Variants in PDCD10 observed in about 807,000 individuals in gnomAD.
The protein encoded by PDCD10 is programmed cell death 10, also known as programmed cell death protein 10.
Under a neutral mutation model 29.2 loss-of-function variants are expected in PDCD10, and 4 were observed. That is an observed-to-expected ratio of 0.14 (90% CI 0.07 to 0.31). PDCD10 has a LOEUF of 0.31. Among genes scored for constraint, PDCD10 ranks in the 10% least tolerant of loss-of-function variants. The probability of loss-of-function intolerance (pLI) is 1.00; values close to 1 mark genes in which losing one functional copy is unlikely to be tolerated. For synonymous variants in PDCD10, 70 were observed against 82.2 expected (o/e 0.85, Z 0.80); for missense variants, 183 against 257.9 (o/e 0.71, Z 1.99).
rs1267566409 is a variant in PDCD10, at chr3:167,734,199, G to A, written c.-117+15C>T. On this transcript the variant is annotated intron_variant, in intron 2 of 8. Transcript: ENST00000392750. ...ATGAAAGCGCTCTGAAAGCAGTAAAGGAGTAAAAACATACCTTAGGTATGA... is the reference window on the plus strand; with the variant it reads ...ATGAAAGCGCTCTGAAAGCAGTAAAAGAGTAAAAACATACCTTAGGTATGA... 6.6e-6 allele frequency: 1 copy of A among 152,196 alleles called. No individual in the cohort carries two copies. Among genetic ancestry groups the A allele is most frequent in the Non-Finnish European group, 1.5e-5 (1 of 68,096 alleles). 9.4% of individuals were successfully genotyped at this position (152,196 alleles called of 1,614,324 possible). A position where few individuals can be genotyped will look rare whatever the true frequency, so the allele number is the denominator to read the frequency against.
At chr3:167,726,448 T>A (rs1274256512) in intron 2 of PDCD10, among the ~76,000 whole-genome samples, 1 of 152,084 alleles carries the variant, frequency 6.6e-6, no homozygotes, top group East Asian at 1.9e-4. Context: ...AAGAAGTAAC[T>A]TTTTCTACAC....
rs539335645 is a variant in PDCD10 at position 167,732,545 on chromosome 3, TAAC to T, written c.-117+1666_-117+1668del. On this transcript the variant is annotated intron_variant, in intron 2 of 8. Coordinates refer to ENST00000392750, the MANE Select transcript of PDCD10 (RefSeq NM_007217.4). ...ACCGCAGCATGTGACTGAAAGATGA[TAAC>T]AACAATACAAACATTAATCCACCAT... Among the ~76,000 whole-genome samples the T allele has an allele frequency of 3.2e-4, 46 of 144,324 alleles. No individual in the cohort carries two copies. The East Asian group carries it at 7.0e-3, about 22-fold the overall frequency. The allele number at this position is 144,324 out of a possible 152,430, so 94.7% of individuals were successfully genotyped here.
At chr3:167,684,426 C>G (rs1229730850) in intron 8 of PDCD10, 37 bp from the exon 9 acceptor site, 8 of 1,211,386 alleles carry the variant, frequency 6.6e-6, no homozygotes, top group Non-Finnish European at 8.6e-6. Context: ...TAATTTCATC[C>G]AAAAAATTCA....
At chr3:167,703,610 G>A (rs1721666284) in intron 4 of PDCD10, among the ~76,000 whole-genome samples, 1 of 152,078 alleles carries the variant, frequency 6.6e-6, no homozygotes, top group Admixed American at 6.6e-5. Flanking sequence ...CAGGTTATTT[G>A]AGCTACTGAT....
In PDCD10 at chr3:167,704,932, T is replaced by C. The variant is rs763405832; in HGVS notation, c.97-37A>G. ...ATTTTAAATTATTATGAATATCAAC[T>C]TTCTTGGAAAAAGCACATTTCTGAG... On this transcript the variant is annotated intron_variant, in intron 3 of 8. Coordinates refer to ENST00000392750, the MANE Select transcript of PDCD10 (RefSeq NM_007217.4). The C allele has an allele frequency of 5.2e-5, 70 of 1,358,384 alleles. No individual in the cohort carries two copies. In the Admixed American group the frequency reaches 6.1e-4, roughly 12 times the overall value. 84.1% of individuals were successfully genotyped at this position (1,358,384 alleles called of 1,614,324 possible).
chr3:167,696,992 G>A lies in PDCD10; in HGVS notation c.268+17C>T, dbSNP rs1186102314. On this transcript the variant is annotated intron_variant, in intron 5 of 8. Coordinates refer to ENST00000392750, the MANE Select transcript of PDCD10 (RefSeq NM_007217.4). ...TTAACAATTGTATAACTTAAACAAG[G>A]TTCTTCTGTCCGTTACCTTCTACAT... 2 of 1,225,048 alleles carry A rather than the reference G, an allele frequency of 1.6e-6. No homozygotes were observed. The highest frequency in any genetic ancestry group is 3.0e-5 in the African/African-American group (2 of 67,374). 75.9% of individuals were successfully genotyped at this position (1,225,048 alleles called of 1,614,324 possible). A position where few individuals can be genotyped will look rare whatever the true frequency, so the allele number is the denominator to read the frequency against.
intron 2 of PDCD10, among the ~76,000 whole-genome samples, chr3:167,726,671 C>A (rs1314625771): frequency 1.3e-5 from 2 of 152,114 alleles, no homozygotes; most frequent in African/African-American, 2.4e-5. Flanking sequence ...CACATAATAA[C>A]CATTCTATTC....
chr3:167,700,681 A>C (rs752060425), intron 4 of PDCD10, among the ~76,000 whole-genome samples: 1 of 152,210 alleles, frequency 6.6e-6, no homozygotes, highest in Non-Finnish European at 1.5e-5. Flanking sequence ...TCATTCTATG[A>C]CAACTTAAAG....
At position 167,689,851 on chromosome 3, in the gene PDCD10, G is replaced by A. The variant is rs542161310; in HGVS notation, c.396-2158C>T. 9.9e-5 allele frequency among the ~76,000 whole-genome samples: 15 copies of A among 152,268 alleles called. No homozygotes were observed. In the South Asian group the frequency reaches 3.1e-3, roughly 32 times the overall value. On this transcript the variant is annotated intron_variant, in intron 6 of 8. Transcript: ENST00000392750. ...ATGCCTACCAAATTGTAGAAAAAATGTTCTCTAGAAACAATCTGCAGCAAT... is the reference window on the plus strand; with the variant it reads ...ATGCCTACCAAATTGTAGAAAAAATATTCTCTAGAAACAATCTGCAGCAAT...
At chr3:167,719,755 A>G (rs980111543) in intron 3 of PDCD10, among the ~76,000 whole-genome samples, 2 of 152,044 alleles carry the variant, frequency 1.3e-5, no homozygotes, top group African/African-American at 2.4e-5. Context: ...AGTAGGTCCC[A>G]CCTATTTTCT....
chr3:167,697,896 C>T (rs1468519617), intron 4 of PDCD10: 1 of 455,990 alleles, frequency 2.2e-6, no homozygotes, highest in African/African-American at 2.0e-5. Context: ...CCAGTAAATT[C>T]TGTAATCACA....
At chr3:167,720,346 T>C (rs1417746480) in intron 2 of PDCD10, 73 bp from the exon 3 acceptor site, 3 of 565,770 alleles carry the variant, frequency 5.3e-6, no homozygotes, top group Non-Finnish European at 9.5e-6. Flanking sequence ...AATTTTCCTT[T>C]CCAAATTACA....
intron 3 of PDCD10, among the ~76,000 whole-genome samples, chr3:167,715,412 A>C (rs1722907958): frequency 6.6e-6 from 1 of 151,864 alleles, no homozygotes; most frequent in Non-Finnish European, 1.5e-5. Context: ...AACATGGACA[A>C]ATAGCACATC....
chr3:167,697,637 T>C (rs1187555159), intron 4 of PDCD10, among the ~76,000 whole-genome samples: 1 of 152,212 alleles, frequency 6.6e-6, no homozygotes, highest in Non-Finnish European at 1.5e-5. Flanking sequence ...TATATAATAA[T>C]ACCTTAACTA....
intron 3 of PDCD10, among the ~76,000 whole-genome samples, chr3:167,713,260 C>T (rs144636880): frequency 1.1e-3 from 174 of 152,034 alleles, no homozygotes; most frequent in African/African-American, 4.1e-3. Flanking sequence ...TCAAATAAAA[C>T]TAGAAACCAG....
At chr3:167,686,795 T>C (rs4955773) in intron 8 of PDCD10, among the ~76,000 whole-genome samples, 8 of 152,216 alleles carry the variant, frequency 5.3e-5, no homozygotes, top group Admixed American at 2.6e-4. Flanking sequence ...TGAACTAAAA[T>C]TGCTTTTACA....
intron 8 of PDCD10, among the ~76,000 whole-genome samples, 187 bp from the exon 9 acceptor site, chr3:167,684,576 C>T (rs1211093958): frequency 6.6e-6 from 1 of 151,736 alleles, no homozygotes; most frequent in Non-Finnish European, 1.5e-5. Context: ...CTAGTAATTA[C>T]TGCCCCCTGG....
intron 3 of PDCD10, among the ~76,000 whole-genome samples, chr3:167,706,555 G>A (rs1429419213): frequency 7.8e-6 from 1 of 128,748 alleles, no homozygotes; most frequent in East Asian, 2.2e-4. Context: ...ACATAAAAGA[G>A]GTAATGTTGC....
At chr3:167,726,051 G>A (rs1724122893) in intron 2 of PDCD10, among the ~76,000 whole-genome samples, 1 of 148,940 alleles carries the variant, frequency 6.7e-6, no homozygotes, top group Non-Finnish European at 1.5e-5. Flanking sequence ...GAGACTTCCA[G>A]CTCATCTTAA....
Sources: allele counts gnomAD v4.1 joint callset (sites outside exome capture counted in the v4.1 genomes callset), GRCh38; gene constraint gnomAD v4.1.1; transcripts MANE v1.5; gene names NCBI Gene and HGNC (gene_info 2026-07-23, HGNC 2026-07-21).